Variants in RBMS2 observed in about 807,000 individuals in gnomAD.
RBMS2 encodes RNA binding motif single stranded interacting protein 2, also known as RNA-binding motif, single-stranded-interacting protein 2.
Under a neutral mutation model 58.4 loss-of-function variants are expected in RBMS2, and 38 were observed. That is an observed-to-expected ratio of 0.65 (90% confidence interval 0.50 to 0.85). The LOEUF (loss-of-function observed/expected upper bound fraction) is 0.85. RBMS2 is among the 40% of genes least tolerant of loss of function. The pLI, the probability that RBMS2 is intolerant of heterozygous loss-of-function variation, is 0.00. For missense variants in RBMS2, 367 were observed against 503.7 expected (o/e 0.73, Z 2.60); for synonymous variants, 151 against 180.7 (o/e 0.84, Z 1.32).
At chr12:56,573,544 C>CA (rs1286820591) in intron 5 of RBMS2, among the ~76,000 whole-genome samples, 5 of 149,198 alleles carry the variant, frequency 3.4e-5, no homozygotes, top group African/African-American at 1.2e-4. Flanking sequence ...CCAGCTGACT[C>CA]AAGCTTAGTA....
At chr12:56,577,834 C>A (rs906752731) in intron 5 of RBMS2, among the ~76,000 whole-genome samples, 1 of 152,048 alleles carries the variant, frequency 6.6e-6, no homozygotes, top group Non-Finnish European at 1.5e-5. Context: ...TGGCACATGC[C>A]GCCACGCCCG....
At chr12:56,561,922 C>T (rs1880504176) in intron 1 of RBMS2, among the ~76,000 whole-genome samples, 1 of 152,160 alleles carries the variant, frequency 6.6e-6, no homozygotes, top group South Asian at 2.1e-4. Context: ...ATTCTCCTGG[C>T]TCAGCCTCCT....
intron 1 of RBMS2, among the ~76,000 whole-genome samples, chr12:56,542,991 C>T (rs1488469318): frequency 1.3e-5 from 2 of 151,990 alleles, no homozygotes; most frequent in African/African-American, 2.4e-5. Flanking sequence ...CTGCAACCTC[C>T]GCCTCCTGGG....
intron 1 of RBMS2, among the ~76,000 whole-genome samples, chr12:56,523,191 G>A (rs1366229822): frequency 6.6e-6 from 1 of 152,138 alleles, no homozygotes; most frequent in African/African-American, 2.4e-5. Flanking sequence ...AAGAAATATG[G>A]GTAGAGGGGA....
At chr12:56,572,392 T>C (rs1049281428) in intron 5 of RBMS2, among the ~76,000 whole-genome samples, 4 of 151,740 alleles carry the variant, frequency 2.6e-5, no homozygotes, top group Non-Finnish European at 5.9e-5. Flanking sequence ...GGTCTTGCTG[T>C]GTTGCCCAGG....
chr12:56,535,811 C>G (rs1362788594), intron 1 of RBMS2, among the ~76,000 whole-genome samples: 1 of 152,088 alleles, frequency 6.6e-6, no homozygotes, highest in Non-Finnish European at 1.5e-5. Context: ...CCTTCTTTTC[C>G]CCCCATAACT....
At position 56,590,540 on chromosome 12, in the gene RBMS2, G is replaced by C. The variant is rs1319978856; in HGVS notation, c.*1407G>C. 2 of 152,192 alleles carry C rather than the reference G, an allele frequency of 1.3e-5. No individual in the cohort carries two copies. The highest frequency in any genetic ancestry group is 4.8e-5 in the African/African-American group (2 of 41,424). 9.4% of individuals were successfully genotyped at this position (152,192 alleles called of 1,614,324 possible). On this transcript the variant is annotated 3_prime_UTR_variant, in exon 14 of 14. Coordinates refer to ENST00000262031, the MANE Select transcript of RBMS2 (RefSeq NM_002898.4). ...GCCAAGACTGGGAAACACTGATATA[G>C]ACAGTGTTGTCCCTGCCTCCTGGGT...
upstream of RBMS2, among the ~76,000 whole-genome samples, chr12:56,520,884 A>C (rs1254819220): frequency 6.6e-6 from 1 of 152,178 alleles, no homozygotes; most frequent in Non-Finnish European, 1.5e-5. Context: ...GTAAAGTGTT[A>C]AATAAGATAG....
rs528801122 is a variant in RBMS2 at position 56,569,235 on chromosome 12, G to T, written c.292+202G>T. ...GAAAATGCTGTTTAGGGGCCCCAAG[G>T]CCAGAAGACTGTACAAAACACCTTT... On this transcript the variant is annotated intron_variant, in intron 3 of 13. Coordinates refer to ENST00000262031, the MANE Select transcript of RBMS2 (RefSeq NM_002898.4). Among the ~76,000 whole-genome samples the T allele has an allele frequency of 4.6e-5, 7 of 152,294 alleles. No individual in the cohort carries two copies. In the South Asian group the frequency reaches 1.5e-3, roughly 32 times the overall value.
chr12:56,528,951 A>G (rs145931704), intron 1 of RBMS2, among the ~76,000 whole-genome samples: 33 of 152,232 alleles, frequency 2.2e-4, no homozygotes, highest in Middle Eastern at 3.4e-3. Flanking sequence ...AAAGAGAGAC[A>G]TAATATATGT....
chr12:56,566,562 A>G (rs1301469034), intron 2 of RBMS2, among the ~76,000 whole-genome samples: 1 of 152,254 alleles, frequency 6.6e-6, no homozygotes, highest in Admixed American at 6.5e-5. Flanking sequence ...TCACACCTGT[A>G]ATCACAGCAC....
At chr12:56,562,391 T>C (rs1880585194) in intron 1 of RBMS2, 26 bp from the exon 2 acceptor site, 2 of 1,576,734 alleles carry the variant, frequency 1.3e-6, no homozygotes, top group Middle Eastern at 1.9e-4. Context: ...ATAATCCTTC[T>C]ACCTCTTCCT....
intron 1 of RBMS2, among the ~76,000 whole-genome samples, chr12:56,536,077 G>A (rs1002471014): frequency 5.9e-5 from 9 of 151,704 alleles, no homozygotes; most frequent in Middle Eastern, 6.3e-3. Context: ...GGCGCACACC[G>A]TAATCCCAGC....
At chr12:56,570,924 G>A (rs1323478545) in intron 4 of RBMS2, among the ~76,000 whole-genome samples, 1 of 152,196 alleles carries the variant, frequency 6.6e-6, no homozygotes, top group African/African-American at 2.4e-5. Context: ...CATAGAGCTT[G>A]TGAGGCAGGC....
At position 56,594,858 on chromosome 12, in the gene RBMS2, T is replaced by C. The variant is rs1400724736; in HGVS notation, c.*5725T>C. ...ACCTCACAATTCAACAACAGGTAAA[T>C]ACCTGGATTCACTGATTTCTTTACT... On this transcript the variant is annotated 3_prime_UTR_variant, in exon 14 of 14. Transcript: ENST00000262031. The C allele has an allele frequency of 6.6e-6, 1 of 152,208 alleles. No individual in the cohort carries two copies. The highest frequency in any genetic ancestry group is 1.5e-5 in the Non-Finnish European group (1 of 68,038). The allele number at this position is 152,208 out of a possible 1,614,324, so 9.4% of individuals were successfully genotyped here. A position where few individuals can be genotyped will look rare whatever the true frequency, so the allele number is the denominator to read the frequency against.
At chr12:56,528,185 G>A (rs1245569967) in intron 1 of RBMS2, among the ~76,000 whole-genome samples, 7 of 151,862 alleles carry the variant, frequency 4.6e-5, no homozygotes, top group Non-Finnish European at 1.0e-4. Context: ...TAGAGGTCGA[G>A]GCTACAGTGA....
Position 56,589,334 on chromosome 12 carries a change from G to A in RBMS2, c.*201G>A. 1 of 1,259,184 alleles carries A rather than the reference G, an allele frequency of 7.9e-7. No individual in the cohort carries two copies. The allele number at this position is 1,259,184 out of a possible 1,614,324, so 78.0% of individuals were successfully genotyped here. A position where few individuals can be genotyped will look rare whatever the true frequency, so the allele number is the denominator to read the frequency against. ...CCTGCCCTTTACTATTGCTGATGGA[G>A]CCTGGGGGAACCATCACTTTTTTTG... On this transcript the variant is annotated 3_prime_UTR_variant, in exon 14 of 14. Transcript: ENST00000262031.
intron 5 of RBMS2, among the ~76,000 whole-genome samples, chr12:56,573,881 C>T (rs984776810): frequency 6.6e-6 from 1 of 151,948 alleles, no homozygotes; most frequent in African/African-American, 2.4e-5. Flanking sequence ...CACTCTGTTG[C>T]CCAGGCTGGA....
At chr12:56,548,670 C>T (rs185972963) in intron 1 of RBMS2, among the ~76,000 whole-genome samples, 2 of 152,240 alleles carry the variant, frequency 1.3e-5, no homozygotes, top group East Asian at 1.9e-4. Context: ...TGTGGATCAT[C>T]CACATTCCCG....
Sources: gnomAD v4.1 joint callset for allele counts (sites outside exome capture counted in the v4.1 genomes callset) on GRCh38, gnomAD v4.1.1 for gene constraint, MANE v1.5 for transcripts, NCBI Gene and HGNC (gene_info 2026-07-23, HGNC 2026-07-21) for gene names.